KCNT2: variants seen among roughly 807,000 people sequenced by gnomAD.
KCNT2 encodes potassium channel subfamily T member 2.
In KCNT2, 67 loss-of-function variants were observed where a neutral mutation model predicts 153.8. The ratio of observed to expected loss-of-function variants is 0.44; its 90% CI spans 0.36 to 0.53. KCNT2 has a LOEUF of 0.53. Among genes scored for constraint, KCNT2 ranks in the 20% least tolerant of loss-of-function variants. The probability of loss-of-function intolerance (pLI) is 0.00; values close to 1 mark genes in which losing one functional copy is unlikely to be tolerated. For synonymous variants in KCNT2, 500 were observed against 458.8 expected, an observed-to-expected ratio of 1.09 and a Z score of -1.15; for missense variants, 975 against 1,354.8, an observed-to-expected ratio of 0.72 and a Z score of 4.40.
chr1:196,495,182 G>A (rs1275749242), intron 1 of KCNT2, among the ~76,000 whole-genome samples: 2 of 151,782 alleles, frequency 1.3e-5, no homozygotes, highest in Non-Finnish European at 2.9e-5. Context: ...CAAAATGCAA[G>A]CAAAATGTTT....
At chr1:196,304,722 C>T (rs1388156306) in intron 22 of KCNT2, among the ~76,000 whole-genome samples, 2 of 152,086 alleles carry the variant, frequency 1.3e-5, no homozygotes, top group East Asian at 3.9e-4. Context: ...TAGCATTATC[C>T]GGATCTCTTC....
chr1:196,526,998 A>T (rs1654312005), intron 1 of KCNT2, among the ~76,000 whole-genome samples: 1 of 152,146 alleles, frequency 6.6e-6, no homozygotes, highest in Non-Finnish European at 1.5e-5. Flanking sequence ...TTCTCACAGG[A>T]TCGCAAACTC....
chr1:196,270,848 T>C (rs1209235101), intron 25 of KCNT2, among the ~76,000 whole-genome samples: 1 of 151,708 alleles, frequency 6.6e-6, no homozygotes, highest in Non-Finnish European at 1.5e-5. Flanking sequence ...TGTGTGTGTG[T>C]GTGCATGTAT....
intron 22 of KCNT2, among the ~76,000 whole-genome samples, chr1:196,292,622 C>T (rs1003939463): frequency 2.0e-5 from 3 of 151,822 alleles, no homozygotes; most frequent in Non-Finnish European, 4.4e-5. Context: ...CTGGCTAACG[C>T]GGTGAAACCC....
intron 1 of KCNT2, among the ~76,000 whole-genome samples, chr1:196,572,780 A>G: frequency 6.6e-6 from 1 of 152,150 alleles, no homozygotes; most frequent in African/African-American, 2.4e-5. Flanking sequence ...GAATTAACGC[A>G]TAGGAACCAA....
chr1:196,394,047 C>G (rs151095509), intron 13 of KCNT2, among the ~76,000 whole-genome samples: 1 of 151,400 alleles, frequency 6.6e-6, no homozygotes, highest in Non-Finnish European at 1.5e-5. Context: ...ACCAAAGCCA[C>G]GCTAACATCT....
intron 13 of KCNT2, among the ~76,000 whole-genome samples, chr1:196,392,176 T>C (rs1292760961): frequency 6.6e-6 from 1 of 151,308 alleles, no homozygotes. Flanking sequence ...TGAATGTAGA[T>C]GGAGAGAATA....
chr1:196,413,839 G>T (rs1311385288), intron 12 of KCNT2, among the ~76,000 whole-genome samples: 1 of 151,440 alleles, frequency 6.6e-6, no homozygotes, highest in East Asian at 1.9e-4. Context: ...GAGAGTATTT[G>T]TAATGCTTAT....
At chr1:196,452,313 T>C (rs950693527) in intron 8 of KCNT2, among the ~76,000 whole-genome samples, 5 of 152,018 alleles carry the variant, frequency 3.3e-5, no homozygotes, top group African/African-American at 1.2e-4. Flanking sequence ...AACCCACCTT[T>C]ATATGAAATA....
At chr1:196,439,699 G>T (rs925162147) in intron 8 of KCNT2, among the ~76,000 whole-genome samples, 2 of 151,814 alleles carry the variant, frequency 1.3e-5, no homozygotes, top group African/African-American at 4.8e-5. Context: ...CATCCATTTG[G>T]ATTTTGTATT....
chr1:196,580,416 G>A (rs1032408523), intron 1 of KCNT2, among the ~76,000 whole-genome samples: 3 of 152,044 alleles, frequency 2.0e-5, no homozygotes, highest in African/African-American at 7.2e-5. Context: ...GCATAACCTG[G>A]ACCTTCCCCA....
chr1:196,357,906 A>T (rs1177851106), intron 14 of KCNT2, among the ~76,000 whole-genome samples: 1 of 151,794 alleles, frequency 6.6e-6, no homozygotes, highest in East Asian at 1.9e-4. Flanking sequence ...TCAATACTGA[A>T]TTTCTTTTTC....
intron 13 of KCNT2, among the ~76,000 whole-genome samples, chr1:196,397,440 G>A (rs1431108905): frequency 1.3e-5 from 2 of 151,328 alleles, no homozygotes; most frequent in Non-Finnish European, 3.0e-5. Context: ...TACAAAAGAG[G>A]CACTGTTATT....
At chr1:196,299,601 C>A (rs1660992162) in intron 22 of KCNT2, among the ~76,000 whole-genome samples, 1 of 152,002 alleles carries the variant, frequency 6.6e-6, no homozygotes, top group Admixed American at 6.6e-5. Flanking sequence ...CAAAAAATAA[C>A]AAATGCTAGC....
At chr1:196,247,535 C>T (rs887527697) in intron 26 of KCNT2, among the ~76,000 whole-genome samples, 2 of 152,140 alleles carry the variant, frequency 1.3e-5, no homozygotes, top group Non-Finnish European at 2.9e-5. Flanking sequence ...CTCACAGTTC[C>T]GCATGGCTGG....
intron 8 of KCNT2, among the ~76,000 whole-genome samples, chr1:196,434,174 T>C (rs760568706): frequency 1.2e-4 from 19 of 152,206 alleles, no homozygotes; most frequent in South Asian, 2.1e-4. Context: ...TTACCAAAAA[T>C]GGAATTGTAT....
intron 27 of KCNT2, among the ~76,000 whole-genome samples, chr1:196,231,889 T>C (rs574594944): frequency 6.6e-6 from 1 of 151,958 alleles, no homozygotes; most frequent in Non-Finnish European, 1.5e-5. Context: ...CACAGCATTC[T>C]AAGAAAGTCA....
chr1:196,532,888 G>T (rs1287142661), intron 1 of KCNT2, among the ~76,000 whole-genome samples: 2 of 152,030 alleles, frequency 1.3e-5, no homozygotes, highest in African/African-American at 2.4e-5. Context: ...AGCTCGGGCT[G>T]CTAACTTCTC....
At chr1:196,285,621 A>T in intron 23 of KCNT2, 36 bp downstream of exon 23, 1 of 1,293,464 alleles carries the variant, frequency 7.7e-7, no homozygotes, top group Non-Finnish European at 1.1e-6. Flanking sequence ...ACAGAAAACA[A>T]CCATTTTAGA....
Sources: allele counts gnomAD v4.1 joint callset (sites outside exome capture counted in the v4.1 genomes callset), GRCh38; gene constraint gnomAD v4.1.1; transcripts MANE v1.5; gene names NCBI Gene and HGNC (gene_info 2026-07-23, HGNC 2026-07-21).